Variants in NRXN1 observed in about 807,000 individuals in gnomAD.
NRXN1 encodes the protein neurexin 1.
NRXN1 carries 39 observed loss-of-function variants against 150.9 expected under a neutral mutation model. The ratio of observed to expected loss-of-function variants is 0.26; its 90% CI spans 0.20 to 0.34. The LOEUF is 0.34. Ranked by LOEUF, NRXN1 falls within the 10% of genes least tolerant of loss-of-function variation. The pLI is 1.00. For missense variants in NRXN1, 1,815 were observed against 1,949.9 expected (o/e 0.93, Z 1.30); for synonymous variants, 924 against 757.0 (o/e 1.22, Z -3.62).
At chr2:50,036,666 C>G (rs1335753795) in intron 21 of NRXN1, among the ~76,000 whole-genome samples, 1 of 152,088 alleles carries the variant, frequency 6.6e-6, no homozygotes, top group African/African-American at 2.4e-5. Context: ...TCTTGCAATT[C>G]CTCTCCTTGA....
At chr2:50,195,014 G>A (rs762912891) in intron 18 of NRXN1, among the ~76,000 whole-genome samples, 9 of 152,142 alleles carry the variant, frequency 5.9e-5, no homozygotes, top group Non-Finnish European at 8.8e-5. Flanking sequence ...CCCTGTAGAT[G>A]AAAGATTTAC....
intron 2 of NRXN1, among the ~76,000 whole-genome samples, chr2:50,968,803 A>T (rs1314770947): frequency 6.6e-6 from 1 of 151,934 alleles, no homozygotes; most frequent in Non-Finnish European, 1.5e-5. Flanking sequence ...TTATGTCACT[A>T]ATCCTTCTGT....
intron 17 of NRXN1, among the ~76,000 whole-genome samples, chr2:50,397,546 C>T (rs527576396): frequency 2.0e-5 from 3 of 152,148 alleles, no homozygotes; most frequent in East Asian, 1.9e-4. Flanking sequence ...CAGGTGAGGG[C>T]GTGAAGCTTA....
chr2:50,286,778 T>C (rs1013658775), intron 17 of NRXN1, among the ~76,000 whole-genome samples: 2 of 152,094 alleles, frequency 1.3e-5, no homozygotes, highest in South Asian at 2.1e-4. Context: ...CATAAATATA[T>C]AGAAATTCAT....
chr2:50,951,963 A>ATTTTTT (rs1295565122), intron 2 of NRXN1, among the ~76,000 whole-genome samples: 42 of 74,814 alleles, frequency 5.6e-4, no homozygotes, highest in Admixed American at 6.6e-4. Flanking sequence ...ATATATATAT[A>ATTTTTT]TTTTTTTTTT....
chr2:50,019,641 C>CAAAAAA lies in NRXN1; in HGVS notation c.4128+33624_4128+33629dup, dbSNP rs764073226. Among the ~76,000 whole-genome samples, 91 of 25,548 alleles carry CAAAAAA rather than the reference C, an allele frequency of 3.6e-3. 13 individuals are homozygous for CAAAAAA. The highest frequency in any genetic ancestry group is 6.1e-3 in the African/African-American group (31 of 5,104). 16.8% of individuals were successfully genotyped at this position (25,548 alleles called of 152,430 possible). A position where few individuals can be genotyped will look rare whatever the true frequency, so the allele number is the denominator to read the frequency against. On this transcript the variant is annotated intron_variant, in intron 21 of 22. Coordinates refer to ENST00000401669, the MANE Select transcript of NRXN1 (RefSeq NM_001330078.2). ...TGTAAGAAGGAGCAAGATTCCGTCT[C>CAAAAAA]AAAAAAAAAAAAAAAAAAAAGGAGG...
At chr2:50,216,716 T>A (rs2063426140) in intron 18 of NRXN1, among the ~76,000 whole-genome samples, 1 of 152,028 alleles carries the variant, frequency 6.6e-6, no homozygotes, top group African/African-American at 2.4e-5. Flanking sequence ...ACACTAATTT[T>A]CTGCATATGC....
intron 5 of NRXN1, among the ~76,000 whole-genome samples, chr2:50,901,466 G>C (rs1475954147): frequency 6.6e-6 from 1 of 152,092 alleles, no homozygotes; most frequent in Non-Finnish European, 1.5e-5. Flanking sequence ...CAACCTAGGA[G>C]GTAGAACTTG....
At chr2:50,979,416 C>T (rs1696423610) in intron 2 of NRXN1, 2 of 395,764 alleles carry the variant, frequency 5.1e-6, no homozygotes, top group Non-Finnish European at 1.0e-5. Flanking sequence ...GGATACTAGC[C>T]AGTTATTCAG....
chr2:51,011,874 G>C (rs985888822), intron 2 of NRXN1, among the ~76,000 whole-genome samples: 1 of 151,992 alleles, frequency 6.6e-6, no homozygotes, highest in Non-Finnish European at 1.5e-5. Flanking sequence ...TTGGGAAAGT[G>C]GTAAGTAGAC....
Position 50,773,735 on chromosome 2 carries a change from C to G in NRXN1, c.832+148134G>C, listed in dbSNP as rs139185275. Among the ~76,000 whole-genome samples, 18 of 152,050 alleles carry G rather than the reference C, an allele frequency of 1.2e-4. 1 individual carries two copies. The highest frequency in any genetic ancestry group is 2.6e-4 in the Non-Finnish European group (18 of 68,012). On this transcript the variant is annotated intron_variant, in intron 5 of 22. Coordinates refer to ENST00000401669, the MANE Select transcript of NRXN1 (RefSeq NM_001330078.2). ...GGACAGGGTTGGGGGATGGCAGAAG[C>G]AATGAAAGGGAAGGTTTCCAGGCCA...
intron 18 of NRXN1, among the ~76,000 whole-genome samples, chr2:50,144,221 T>C (rs931350380): frequency 6.6e-6 from 1 of 151,896 alleles, no homozygotes; most frequent in Non-Finnish European, 1.5e-5. Flanking sequence ...ATTCGGACAG[T>C]AGCAATGAGG....
chr2:50,945,499 CCTCT>C (rs903495197), intron 2 of NRXN1, among the ~76,000 whole-genome samples: 36 of 106,256 alleles, frequency 3.4e-4, no homozygotes, highest in African/African-American at 1.2e-3. Flanking sequence ...TATATAGCTC[CCTCT>C]CTCTCTCTCT....
At chr2:50,863,727 A>C (rs932820166) in intron 5 of NRXN1, among the ~76,000 whole-genome samples, 5 of 152,016 alleles carry the variant, frequency 3.3e-5, no homozygotes, top group African/African-American at 1.2e-4. Flanking sequence ...TTCCAAATGA[A>C]TGGCATTGAG....
rs201323039 is a variant in NRXN1 at position 50,053,374 on chromosome 2, G to A, written c.4025C>T (p.Ala1342Val). 1.9e-6 allele frequency: 3 copies of A among 1,613,982 alleles called. No homozygotes were observed. Among genetic ancestry groups the A allele is most frequent in the South Asian group, 2.2e-5 (2 of 91,080 alleles). ...TGATGTGGACATCTCTGATTGCATGGCAGTGGCTGTTGACTCAGTTGTCAT... is the reference window on the plus strand; with the variant it reads ...TGATGTGGACATCTCTGATTGCATGACAGTGGCTGTTGACTCAGTTGTCAT... ...SSMTTESTAT[A>V]MQSEMSTSIM... is the part of the protein sequence containing the mutation. Residue 1342 changes from alanine to valine, a missense_variant, in exon 21 of 23, where the codon GCC becomes GTC. This residue lies in a region of NRXN1 where 265 missense variants were observed against 307.1 expected (regional missense o/e 0.86). Coordinates refer to ENST00000401669, the MANE Select transcript of NRXN1 (RefSeq NM_001330078.2).
chr2:50,323,291 G>A (rs1227172348), intron 17 of NRXN1, among the ~76,000 whole-genome samples: 1 of 152,072 alleles, frequency 6.6e-6, no homozygotes, highest in Non-Finnish European at 1.5e-5. Flanking sequence ...AGGTCTGGGT[G>A]GAACAAAATA....
At chr2:50,256,947 T>C (rs985260759) in intron 17 of NRXN1, among the ~76,000 whole-genome samples, 1 of 152,028 alleles carries the variant, frequency 6.6e-6, no homozygotes, top group African/African-American at 2.4e-5. Flanking sequence ...GTGACTATTA[T>C]GTGAGAAAAA....
At position 50,531,359 on chromosome 2, in the gene NRXN1, C is replaced by T; in HGVS notation, c.2215G>A (p.Ala739Thr). Residue 739 changes from alanine (A) to threonine (T), a missense_variant, in exon 11 of 23, where the codon GCT (alanine) becomes ACT (threonine). Physicochemically the swap from Ala to Thr is moderately conservative, Grantham distance 58. Transcript: ENST00000401669. ...IQLPVVMHTE[A>T]EDVSLRFRSQ... ...CGGAACCGTAAGGAAACATCCTCAGCCTCCGTATGCATGACTACGGGGAGC... is the reference window on the plus strand; with the variant it reads ...CGGAACCGTAAGGAAACATCCTCAGTCTCCGTATGCATGACTACGGGGAGC... 1 of 1,613,168 alleles carries T rather than the reference C, an allele frequency of 6.2e-7. No individual in the cohort carries two copies. Among genetic ancestry groups the T allele is most frequent in the Non-Finnish European group, 8.5e-7 (1 of 1,179,614 alleles).
intron 21 of NRXN1, among the ~76,000 whole-genome samples, chr2:49,964,676 C>A (rs1676631167): frequency 6.6e-6 from 1 of 151,926 alleles, no homozygotes; most frequent in Admixed American, 6.6e-5. Flanking sequence ...CATGTCTCTA[C>A]TAAAAATACG....
Sources: gnomAD v4.1 joint callset for allele counts (sites outside exome capture counted in the v4.1 genomes callset) on GRCh38, gnomAD v4.1.1 for gene constraint, gnomAD v4.1.1 regional missense constraint, MANE v1.5 for transcripts, NCBI Gene and HGNC (gene_info 2026-07-23, HGNC 2026-07-21) for gene names.